The following DNAAF11 variants were observed in gnomAD, a reference collection of about 807,000 sequenced individuals.
DNAAF11 encodes leucine rich repeat containing 6.
DNAAF11 carries 45 observed loss-of-function variants against 60.8 expected under a neutral mutation model. The observed-to-expected ratio is 0.74, with a 90% CI of 0.58 to 0.95. The LOEUF is 0.95. DNAAF11 is among the 40% of genes least tolerant of loss of function. DNAAF11 has a pLI of 0.00. For missense variants in DNAAF11, 546 were observed against 546.2 expected, an observed-to-expected ratio of 1.00 and a Z score of 0.00; for synonymous variants, 191 against 183.5, an observed-to-expected ratio of 1.04 and a Z score of -0.33.
At chr8:132,611,501 A>C (rs997856757) in intron 8 of DNAAF11, 138 bp from the exon 9 acceptor site, 4 of 518,844 alleles carry the variant, frequency 7.7e-6, no homozygotes, top group African/African-American at 7.6e-5. Context: ...TCTTTAAAAA[A>C]TTAGTTTTAA....
intron 10 of DNAAF11, among the ~76,000 whole-genome samples, chr8:132,602,004 C>G (rs1239968265): frequency 6.6e-6 from 1 of 152,020 alleles, no homozygotes; most frequent in Admixed American, 6.6e-5. Flanking sequence ...CCTTCTCACT[C>G]TATTCTATGT....
intron 3 of DNAAF11, among the ~76,000 whole-genome samples, chr8:132,653,893 G>A (rs1823272580): frequency 6.6e-6 from 1 of 152,078 alleles, no homozygotes; most frequent in South Asian, 2.1e-4. Context: ...GCAGATAACA[G>A]ACACAAATTC....
At chr8:132,663,804 G>A (rs550141216) in intron 1 of DNAAF11, among the ~76,000 whole-genome samples, 9 of 152,298 alleles carry the variant, frequency 5.9e-5, no homozygotes, top group African/African-American at 1.9e-4. Flanking sequence ...CTCCAGGTTC[G>A]TTCCTGAAGA....
intron 11 of DNAAF11, among the ~76,000 whole-genome samples, chr8:132,573,433 A>C (rs1177454378): frequency 6.6e-6 from 1 of 152,144 alleles, no homozygotes; most frequent in Non-Finnish European, 1.5e-5. Flanking sequence ...ACACAGAATT[A>C]ATGACACTCT....
intron 3 of DNAAF11, chr8:132,643,599 G>A (rs1822071807): frequency 2.2e-6 from 1 of 455,806 alleles, no homozygotes; most frequent in South Asian, 1.6e-5. Context: ...AATACACGGA[G>A]GGTGGGTAGG....
At chr8:132,693,460 T>C in the DNAAF11 span, among the ~76,000 whole-genome samples, 2 of 151,832 alleles carry the variant, frequency 1.3e-5, no homozygotes, top group Non-Finnish European at 2.9e-5. Context: ...TGTGTGTGTG[T>C]GTGTGTGTGT....
intron 11 of DNAAF11, among the ~76,000 whole-genome samples, chr8:132,578,901 G>A (rs192018605): frequency 2.0e-5 from 3 of 152,248 alleles, no homozygotes; most frequent in Non-Finnish European, 4.4e-5. Context: ...CCAAGGCCCT[G>A]AGCATGCCAG....
At chr8:132,701,221 G>C in the DNAAF11 span, among the ~76,000 whole-genome samples, 1 of 152,074 alleles carries the variant, frequency 6.6e-6, no homozygotes, top group Middle Eastern at 3.2e-3. Flanking sequence ...CATAGCACTG[G>C]GATACAGAAC....
At chr8:132,697,802 C>A in the DNAAF11 span, among the ~76,000 whole-genome samples, 2 of 152,044 alleles carry the variant, frequency 1.3e-5, no homozygotes, top group Admixed American at 6.6e-5. Flanking sequence ...GTAGAAGCAG[C>A]AGCAGATAGT....
At chr8:132,646,077 C>T (rs1395122758) in intron 3 of DNAAF11, among the ~76,000 whole-genome samples, 1 of 152,162 alleles carries the variant, frequency 6.6e-6, no homozygotes, top group South Asian at 2.1e-4. Context: ...TTGTTAAGGG[C>T]AGCCAGAGAG....
At chr8:132,595,347 GGAAAAAAAAAAAAA>G (rs1408100851) in intron 10 of DNAAF11, among the ~76,000 whole-genome samples, 14 of 40,680 alleles carry the variant, frequency 3.4e-4, no homozygotes, top group East Asian at 1.7e-3. Context: ...GAGACAGAGG[GGAAAAAAAAAAAAA>G]AAAAAAAAAA....
intron 1 of DNAAF11, among the ~76,000 whole-genome samples, chr8:132,674,067 CAGGAGG>C (rs1170562794): frequency 5.5e-5 from 5 of 91,262 alleles, no homozygotes; most frequent in Non-Finnish European, 1.2e-4. Context: ...GGAGGAGGAG[CAGGAGG>C]AGGAGGAGCA....
the DNAAF11 span, among the ~76,000 whole-genome samples, chr8:132,686,253 C>T: frequency 6.6e-6 from 1 of 151,792 alleles, no homozygotes; most frequent in Non-Finnish European, 1.5e-5. Flanking sequence ...GAGAAAAATG[C>T]AAAAAATTAT....
At chr8:132,601,343 A>C (rs1817595459) in intron 10 of DNAAF11, among the ~76,000 whole-genome samples, 2 of 152,152 alleles carry the variant, frequency 1.3e-5, no homozygotes, top group African/African-American at 4.8e-5. Context: ...AACTAGTTCA[A>C]CCATTGTGGA....
intron 3 of DNAAF11, among the ~76,000 whole-genome samples, chr8:132,651,382 C>T (rs1220818587): frequency 6.6e-6 from 1 of 151,944 alleles, no homozygotes; most frequent in African/African-American, 2.4e-5. Context: ...GGTGTACCCC[C>T]ATCTTCCTCC....
intron 3 of DNAAF11, among the ~76,000 whole-genome samples, chr8:132,645,889 T>G (rs1822329088): frequency 6.6e-6 from 1 of 152,274 alleles, no homozygotes; most frequent in South Asian, 2.1e-4. Flanking sequence ...ATGGGGAGAA[T>G]GGAACCAAGT....
At chr8:132,632,349 T>C (rs545707736) in intron 5 of DNAAF11, among the ~76,000 whole-genome samples, 1 of 152,304 alleles carries the variant, frequency 6.6e-6, no homozygotes, top group African/African-American at 2.4e-5. Context: ...CTATTCCAAT[T>C]CAGAAAATAG....
chr8:132,590,041 G>A (rs1816300348), intron 10 of DNAAF11, among the ~76,000 whole-genome samples: 1 of 152,208 alleles, frequency 6.6e-6, no homozygotes, highest in Admixed American at 6.5e-5. Flanking sequence ...GCATAGTACA[G>A]GTGCTGAACC....
chr8:132,668,942 G>A (rs1408229467), intron 1 of DNAAF11, among the ~76,000 whole-genome samples: 1 of 152,186 alleles, frequency 6.6e-6, no homozygotes, highest in Non-Finnish European at 1.5e-5. Flanking sequence ...CGAAGAGATT[G>A]TTCAGCCAAG....
Sources: gnomAD v4.1 joint callset for allele counts (sites outside exome capture counted in the v4.1 genomes callset) on GRCh38, gnomAD v4.1.1 for gene constraint, MANE v1.5 for transcripts, NCBI Gene and HGNC (gene_info 2026-07-23, HGNC 2026-07-21) for gene names.